SYNJ1: variants seen among roughly 807,000 people sequenced by gnomAD.
SYNJ1 encodes polyphosphatidylinositol phosphatase SYNJ1.
SYNJ1 carries 78 observed loss-of-function variants against 168.2 expected under a neutral mutation model. That is an observed-to-expected ratio of 0.46 (90% CI 0.39 to 0.56). The LOEUF (loss-of-function observed/expected upper bound fraction) is 0.56. Ranked by LOEUF, SYNJ1 falls within the 20% of genes least tolerant of loss-of-function variation. SYNJ1 has a pLI of 0.00. For missense variants in SYNJ1, 1,303 were observed against 1,597.6 expected (o/e 0.82, Z 3.14); for synonymous variants, 539 against 548.6 (o/e 0.98, Z 0.24).
At chr21:32,642,843 T>C (rs562885315) in intron 27 of SYNJ1, among the ~76,000 whole-genome samples, 1 of 152,310 alleles carries the variant, frequency 6.6e-6, no homozygotes, top group East Asian at 1.9e-4. Context: ...CTCTCCTTTT[T>C]GTAAAGAAAT....
chr21:32,659,755 C>T (rs1214409936), intron 18 of SYNJ1, among the ~76,000 whole-genome samples: 4 of 152,216 alleles, frequency 2.6e-5, no homozygotes, highest in Non-Finnish European at 5.9e-5. Context: ...CCGATGCTCC[C>T]AGCTGAATAA....
intron 9 of SYNJ1, 134 bp from the exon 10 acceptor site, chr21:32,684,253 CA>C: frequency 8.6e-5 from 63 of 735,634 alleles, no homozygotes; most frequent in Non-Finnish European, 1.1e-4. Flanking sequence ...TTCAAATATA[CA>C]AAAAAAATTA....
intron 4 of SYNJ1, among the ~76,000 whole-genome samples, chr21:32,698,002 G>GA (rs1426089462): frequency 6.6e-6 from 1 of 152,138 alleles, no homozygotes; most frequent in Non-Finnish European, 1.5e-5. Flanking sequence ...TCTTCTACTA[G>GA]AAAAAATGTA....
At chr21:32,679,604 T>C (rs2146032420) in intron 11 of SYNJ1, among the ~76,000 whole-genome samples, 1 of 152,272 alleles carries the variant, frequency 6.6e-6, no homozygotes, top group East Asian at 1.9e-4. Flanking sequence ...CAATATGTAA[T>C]TTTTATTCTT....
chr21:32,631,322 A>G lies in SYNJ1; in HGVS notation c.*483T>C. 1 of 1,614,238 alleles carries G rather than the reference A, an allele frequency of 6.2e-7. No homozygotes were observed. The highest frequency in any genetic ancestry group is 8.5e-7 in the Non-Finnish European group (1 of 1,180,042). ...TTAATGTAGACTGGCCCTGTAGATC[A>G]AAACTGTCCTTAAAGCCATCAAGTG... On this transcript the variant is annotated 3_prime_UTR_variant, in exon 33 of 33. Transcript: ENST00000674351.
rs569151452 is a variant in SYNJ1 at position 32,675,136 on chromosome 21, T to C, written c.1534+1196A>G. Among the ~76,000 whole-genome samples the C allele has an allele frequency of 3.9e-5, 6 of 152,304 alleles. No individual in the cohort carries two copies. In the East Asian group the frequency reaches 9.6e-4, roughly 24 times the overall value. On this transcript the variant is annotated intron_variant, in intron 13 of 32. Coordinates refer to ENST00000674351, the MANE Select transcript of SYNJ1 (RefSeq NM_203446.3). ...TATGGTTTATCATTGCTCTTAAAAA[T>C]TGAAGTCACTGCTTGTTACCAATGC...
At chr21:32,666,233 T>C in intron 16 of SYNJ1, 98 bp from the exon 17 acceptor site, 1 of 1,445,356 alleles carries the variant, frequency 6.9e-7, no homozygotes, top group Non-Finnish European at 9.3e-7. Context: ...GTACACATGG[T>C]ATGGTACTTT....
chr21:32,703,707 AG>A (rs1448487216), intron 2 of SYNJ1, among the ~76,000 whole-genome samples: 2 of 152,088 alleles, frequency 1.3e-5, no homozygotes, highest in African/African-American at 4.8e-5. Context: ...GTAGGAGTTA[AG>A]AAGAAAATAT....
chr21:32,659,013 C>G (rs1426692528), intron 18 of SYNJ1, among the ~76,000 whole-genome samples: 1 of 151,870 alleles, frequency 6.6e-6, no homozygotes, highest in Admixed American at 6.5e-5. Flanking sequence ...GTGCTGAGGC[C>G]TGAAAAGGTA....
chr21:32,670,966 G>T (rs1475158747), intron 14 of SYNJ1: 1 of 267,618 alleles, frequency 3.7e-6, no homozygotes, highest in East Asian at 1.8e-4. Context: ...GCAGCCCAGG[G>T]AGACTTCGGG....
In SYNJ1 at chr21:32,670,371, A is replaced by G. The variant is rs761358064; in HGVS notation, c.1728T>C (p.Asp576=). The part of the protein sequence containing the change: ...PKLAGIQEFQ[D]KRSKPTDIFA... ...ATATATCAGTTGGCTTACTTCTTTT[A>G]TCTAAAATTAAGCATCCAAGAAATA... The change falls in exon 15 of 33, where the codon GAT becomes GAC. Residue 576 remains aspartate, a splice_region_variant and synonymous_variant. Transcript: ENST00000674351. 1.2e-6 allele frequency: 2 copies of G among 1,611,160 alleles called. No individual in the cohort carries two copies. The highest frequency in any genetic ancestry group is 1.7e-5 in the Admixed American group (1 of 59,944).
intron 2 of SYNJ1, among the ~76,000 whole-genome samples, chr21:32,710,528 CT>C (rs879712644): frequency 1.6e-3 from 234 of 147,340 alleles, no homozygotes; most frequent in Non-Finnish European, 2.2e-3. Flanking sequence ...GACATTTGAA[CT>C]TTTTTTTTTT....
At chr21:32,699,435 G>A (rs1055504145) in intron 4 of SYNJ1, among the ~76,000 whole-genome samples, 2 of 152,142 alleles carry the variant, frequency 1.3e-5, no homozygotes, top group African/African-American at 4.8e-5. Flanking sequence ...CATCAATTTT[G>A]TACTCATTAT....
At chr21:32,720,524 G>A (rs2146372673) in intron 2 of SYNJ1, among the ~76,000 whole-genome samples, 1 of 152,216 alleles carries the variant, frequency 6.6e-6, no homozygotes, top group South Asian at 2.1e-4. Context: ...AAAAAATTAG[G>A]TAGACAAAGA....
chr21:32,634,451 T>C (rs781206359), intron 32 of SYNJ1, among the ~76,000 whole-genome samples: 2 of 152,134 alleles, frequency 1.3e-5, no homozygotes, highest in Non-Finnish European at 2.9e-5. Context: ...ACTAAAACCA[T>C]TTGAAAAAAT....
chr21:32,704,543 G>A (rs996731548), intron 2 of SYNJ1, among the ~76,000 whole-genome samples: 12 of 152,252 alleles, frequency 7.9e-5, no homozygotes, highest in South Asian at 4.1e-4. Context: ...GGAAAAGGGC[G>A]TCCACTTGTG....
In SYNJ1 at chr21:32,664,868, C is replaced by T. The variant is rs77955322; in HGVS notation, c.2304+45G>A. On this transcript the variant is annotated intron_variant, in intron 18 of 32. Transcript: ENST00000674351. ...TCTTGATTTAAAAAGGCATGTTTCA[C>T]GACCCAAAATCTTAATGCAAGTATT... The T allele has an allele frequency of 6.8e-5, 101 of 1,491,288 alleles. No individual in the cohort carries two copies. In the African/African-American group the frequency reaches 9.7e-4, roughly 14 times the overall value. The allele number at this position is 1,491,288 out of a possible 1,614,324, so 92.4% of individuals were successfully genotyped here. A position where few individuals can be genotyped will look rare whatever the true frequency, so the allele number is the denominator to read the frequency against.
chr21:32,709,477 CAAAAAAAAA>C (rs35527256), intron 2 of SYNJ1, among the ~76,000 whole-genome samples: 1 of 39,436 alleles, frequency 2.5e-5, no homozygotes, highest in South Asian at 1.6e-3. Context: ...GACTCTGTCT[CAAAAAAAAA>C]AAAAAAAAAA....
Position 32,684,077 on chromosome 21 carries a change from A to G in SYNJ1, c.1161T>C (p.Leu387=). Residue 387 remains leucine (L), a synonymous_variant, in exon 10 of 33, where the codon CTT becomes CTC. Coordinates refer to ENST00000674351, the MANE Select transcript of SYNJ1 (RefSeq NM_203446.3). The part of the protein sequence containing the change: ...GTVRTNCLDC[L]DRTNSVQAFL... ...ATGCCTGCACACTATTTGTTCTATCAAGACAATCCAAGCAGTTTGTTCGAA... is the reference window on the plus strand; with the variant it reads ...ATGCCTGCACACTATTTGTTCTATCGAGACAATCCAAGCAGTTTGTTCGAA... 1.2e-6 allele frequency: 2 copies of G among 1,613,722 alleles called. No homozygotes were observed. The highest frequency in any genetic ancestry group is 1.7e-6 in the Non-Finnish European group (2 of 1,179,760).
Sources: allele counts gnomAD v4.1 joint callset (sites outside exome capture counted in the v4.1 genomes callset), GRCh38; gene constraint gnomAD v4.1.1; transcripts MANE v1.5; gene names NCBI Gene and HGNC (gene_info 2026-07-23, HGNC 2026-07-21).